MAK: variants seen among roughly 807,000 people sequenced by gnomAD.
The protein encoded by MAK is serine/threonine-protein kinase MAK.
Under a neutral mutation model 82.6 loss-of-function variants are expected in MAK, and 65 were observed. The observed-to-expected ratio is 0.79, with a 90% CI of 0.64 to 0.97. The LOEUF is 0.97. Ranked by LOEUF, MAK falls within the 50% of genes least tolerant of loss-of-function variation. The pLI is 0.00. For synonymous variants in MAK, 250 were observed against 274.2 expected, an observed-to-expected ratio of 0.91 and a Z score of 0.87; for missense variants, 703 against 780.2, an observed-to-expected ratio of 0.90 and a Z score of 1.18.
chr6:10,816,049 C>T (rs920566000), intron 4 of MAK, among the ~76,000 whole-genome samples: 31 of 151,178 alleles, frequency 2.1e-4, no homozygotes, highest in African/African-American at 6.3e-4. Flanking sequence ...TCCTGGCCAA[C>T]GCAGTGAAAC....
At chr6:10,810,400 C>T (rs1480706978) in intron 5 of MAK, among the ~76,000 whole-genome samples, 4 of 137,302 alleles carry the variant, frequency 2.9e-5, no homozygotes, top group African/African-American at 1.1e-4. Context: ...AGTGTAGTGG[C>T]GCAATCTGGG....
intron 7 of MAK, among the ~76,000 whole-genome samples, chr6:10,803,005 G>A (rs1776134243): frequency 6.6e-6 from 1 of 152,122 alleles, no homozygotes; most frequent in South Asian, 2.1e-4. Context: ...AAACGGTTAA[G>A]AAAAAACAAG....
Position 10,830,698 on chromosome 6 carries a change from T to G in MAK, c.-50A>C. On this transcript the variant is annotated 5_prime_UTR_variant, in exon 2 of 15. Transcript: ENST00000354489. ...TTGTTGATTGAAATGACTTCCTTGT[T>G]GAATATAAATTTGAACGCTTCTTAA... The G allele has an allele frequency of 7.2e-7, 1 of 1,396,156 alleles. No individual in the cohort carries two copies. The highest frequency in any genetic ancestry group is 1.0e-6 in the Non-Finnish European group (1 of 981,162). The allele number at this position is 1,396,156 out of a possible 1,614,324, so 86.5% of individuals were successfully genotyped here. A position where few individuals can be genotyped will look rare whatever the true frequency, so the allele number is the denominator to read the frequency against.
rs1772087256 is a variant in MAK at position 10,762,933 on chromosome 6, T to C, written c.*1519A>G. 6.6e-6 allele frequency: 1 copy of C among 152,660 alleles called. No individual in the cohort carries two copies. Among genetic ancestry groups the C allele is most frequent in the African/African-American group, 2.4e-5 (1 of 41,466 alleles). 9.5% of individuals were successfully genotyped at this position (152,660 alleles called of 1,614,324 possible). ...AAAATATCATTATTATTTTATAATA[T>C]GCCTTTGTATAATGCCCACAAGATG... On this transcript the variant is annotated 3_prime_UTR_variant, in exon 15 of 15. Transcript: ENST00000354489.
intron 11 of MAK, chr6:10,779,569 T>C (rs73440133): frequency 0.026 from 21,022 of 801,656 alleles, 318 homozygotes; most frequent in Admixed American, 0.035. Context: ...CCTTTTATAC[T>C]TGGCTTTAGG....
chr6:10,807,488 C>T (rs111679814), intron 6 of MAK, among the ~76,000 whole-genome samples: 2,959 of 151,516 alleles, frequency 0.02, 76 homozygotes, highest in African/African-American at 0.066. Flanking sequence ...CACCAAGGCG[C>T]GTGACACCAC....
chr6:10,837,915 T>C (rs1373636039), intron 1 of MAK: 1 of 151,986 alleles, frequency 6.6e-6, no homozygotes, highest in African/African-American at 2.4e-5. Context: ...TCCGGCGCCG[T>C]TGGGGGGGAC....
chr6:10,784,536 C>T lies in MAK; in HGVS notation c.1353G>A (p.Ser451=), dbSNP rs898269947. ...PEPVPSGSNH[S]TGENKSLPAV... is the part of the protein sequence containing the mutation. ...CAGGTAAGCTCTTGTTTTCCCCTGT[C>T]GAGTGGTTGGAGCCTGAGGGTACTG... The change falls in exon 11 of 15, where the codon TCG becomes TCA. Residue 451 remains serine (S), a synonymous_variant. Transcript: ENST00000354489. 5.0e-6 allele frequency: 8 copies of T among 1,614,076 alleles called. No homozygotes were observed. Among genetic ancestry groups the T allele is most frequent in the Admixed American group, 1.7e-5 (1 of 59,994 alleles).
chr6:10,784,618 G>GATCTCGCCCACCCTCCGCAC, intron 10 of MAK, 46 bp from the exon 11 acceptor site: 1 of 1,335,750 alleles, frequency 7.5e-7, no homozygotes, highest in Non-Finnish European at 1.1e-6. Flanking sequence ...ACAACGAGAG[G>GATCTCGCCCACCCTCCGCAC]ATCTCGCCCA....
At chr6:10,780,328 A>G (rs530552853) in intron 11 of MAK, 2 of 737,184 alleles carry the variant, frequency 2.7e-6, no homozygotes, top group Admixed American at 1.3e-4. Flanking sequence ...GAACTATGAA[A>G]ACAGGGTGCT....
chr6:10,835,291 G>A (rs1421485059), intron 1 of MAK, among the ~76,000 whole-genome samples: 1 of 152,176 alleles, frequency 6.6e-6, no homozygotes, highest in African/African-American at 2.4e-5. Context: ...ATCTCCTACA[G>A]CTCGGATGCC....
rs1466532820 is a variant in MAK at position 10,813,143 on chromosome 6, T to A, written c.358+501A>T. Among the ~76,000 whole-genome samples, 36 of 33,304 alleles carry A rather than the reference T, an allele frequency of 1.1e-3. 2 individuals carry two copies. The African/African-American group carries it at 0.011, about 10-fold the overall frequency. 21.8% of individuals were successfully genotyped at this position (33,304 alleles called of 152,430 possible). ...ATATATATATATATATAAATTTTTTTTTTTTTTTTTTTTTTTTTTTTTTGA... is the reference window on the plus strand; with the variant it reads ...ATATATATATATATATAAATTTTTTATTTTTTTTTTTTTTTTTTTTTTTGA... On this transcript the variant is annotated intron_variant, in intron 5 of 14. Transcript: ENST00000354489.
chr6:10,823,684 C>T (rs1449329757), intron 2 of MAK, among the ~76,000 whole-genome samples: 2 of 152,136 alleles, frequency 1.3e-5, no homozygotes, highest in African/African-American at 4.8e-5. Flanking sequence ...CACACACGAC[C>T]ACACCCGGCT....
At chr6:10,828,102 T>A (rs1274657540) in intron 2 of MAK, among the ~76,000 whole-genome samples, 1 of 152,240 alleles carries the variant, frequency 6.6e-6, no homozygotes, top group African/African-American at 2.4e-5. Context: ...CATTATTGTA[T>A]ATTATATATT....
At chr6:10,797,707 C>G in intron 8 of MAK, 3 of 1,122,258 alleles carry the variant, frequency 2.7e-6, no homozygotes, top group Middle Eastern at 2.5e-4. Context: ...AGCCAGTCCC[C>G]ACATAGGTGG....
chr6:10,833,473 C>T lies in MAK; in HGVS notation c.-229-2596G>A, dbSNP rs974160068. ...TACAGAAATTAGCTGGGTGTGGTGG[C>T]GCAGGCCTGTAGCCCTAGTTACTAA... is the stretch of plus-strand genomic sequence containing the variant. On this transcript the variant is annotated intron_variant, in intron 1 of 14. Transcript: ENST00000354489. Among the ~76,000 whole-genome samples, 6 of 152,146 alleles carry T rather than the reference C, an allele frequency of 3.9e-5. No homozygotes were observed. In the East Asian group the frequency reaches 7.7e-4, roughly 20 times the overall value.
At chr6:10,801,080 ATTACT>A (rs1775982094) in intron 8 of MAK, among the ~76,000 whole-genome samples, 5 of 151,176 alleles carry the variant, frequency 3.3e-5, no homozygotes, top group South Asian at 2.1e-4. Context: ...CAATTTAAAG[ATTACT>A]TTAATATCTG....
At position 10,764,365 on chromosome 6, in the gene MAK, A is replaced by T; in HGVS notation, c.*87T>A. The T allele has an allele frequency of 1.4e-6, 2 of 1,423,542 alleles. No individual in the cohort carries two copies. The highest frequency in any genetic ancestry group is 4.6e-5 in the East Asian group (2 of 43,470). The allele number at this position is 1,423,542 out of a possible 1,614,324, so 88.2% of individuals were successfully genotyped here. A position where few individuals can be genotyped will look rare whatever the true frequency, so the allele number is the denominator to read the frequency against. ...GCATATTTCTTCCAGAACTCAGTAG[A>T]AATAGACATTTGTAGACATTTCCCA... On this transcript the variant is annotated 3_prime_UTR_variant, in exon 15 of 15. Transcript: ENST00000354489.
At chr6:10,798,618 T>C (rs1027166720) in intron 8 of MAK, among the ~76,000 whole-genome samples, 13 of 152,136 alleles carry the variant, frequency 8.5e-5, no homozygotes, top group Admixed American at 7.2e-4. Context: ...TTTTATACTT[T>C]TCGGTATTTT....
Sources: allele counts gnomAD v4.1 joint callset (sites outside exome capture counted in the v4.1 genomes callset), GRCh38; gene constraint gnomAD v4.1.1; transcripts MANE v1.5; gene names NCBI Gene and HGNC (gene_info 2026-07-23, HGNC 2026-07-21).